Variants in PID1 observed in about 807,000 individuals in gnomAD.
PID1 encodes phosphotyrosine interaction domain containing 1.
PID1 carries 10 observed loss-of-function variants against 19.1 expected under a neutral mutation model. That is an observed-to-expected ratio of 0.52 (90% confidence interval 0.32 to 0.89). The LOEUF is 0.89. Ranked by LOEUF, PID1 falls within the 40% of genes least tolerant of loss-of-function variation. The pLI is 0.03. For synonymous variants in PID1, 130 were observed against 116.0 expected (o/e 1.12, Z -0.78); for missense variants, 248 against 285.3 (o/e 0.87, Z 0.94).
chr2:229,070,749 A>G (rs1000537014), intron 2 of PID1, among the ~76,000 whole-genome samples: 1 of 152,186 alleles, frequency 6.6e-6, no homozygotes, highest in African/African-American at 2.4e-5. Flanking sequence ...CCTAGGCTGG[A>G]GTTTTAAAAT....
chr2:229,181,759 G>A (rs1171002315), intron 1 of PID1, among the ~76,000 whole-genome samples: 1 of 124,174 alleles, frequency 8.1e-6, no homozygotes, highest in Non-Finnish European at 1.9e-5. Flanking sequence ...ATCATTATCA[G>A]AGATGTCTCT....
intron 1 of PID1, among the ~76,000 whole-genome samples, chr2:229,199,518 C>T (rs1392522320): frequency 6.6e-6 from 1 of 151,804 alleles, no homozygotes; most frequent in East Asian, 1.9e-4. Context: ...GTGGTGGCTA[C>T]AGCAAAAGAA....
chr2:229,097,258 G>A (rs554994169), intron 2 of PID1, among the ~76,000 whole-genome samples: 38 of 152,056 alleles, frequency 2.5e-4, no homozygotes, highest in Admixed American at 4.6e-4. Context: ...CAACCCCCTC[G>A]CCCCGTCTTA....
At chr2:229,098,498 T>C (rs1410012156) in intron 2 of PID1, among the ~76,000 whole-genome samples, 1 of 152,190 alleles carries the variant, frequency 6.6e-6, no homozygotes, top group Non-Finnish European at 1.5e-5. Context: ...ACTTGTAAAG[T>C]GCCCATCGTG....
At chr2:229,038,800 G>C (rs140285423) in intron 2 of PID1, among the ~76,000 whole-genome samples, 1,808 of 152,280 alleles carry the variant, frequency 0.012, 15 homozygotes, top group Non-Finnish European at 0.018. Context: ...GGTAACCCTA[G>C]AGAAAGAAAG....
intron 1 of PID1, among the ~76,000 whole-genome samples, chr2:229,229,894 T>C (rs1280724235): frequency 6.6e-6 from 1 of 152,204 alleles, no homozygotes; most frequent in Non-Finnish European, 1.5e-5. Flanking sequence ...AAAGAGGACA[T>C]TTGAACTTGG....
At chr2:229,047,123 C>G (rs998979571) in intron 2 of PID1, among the ~76,000 whole-genome samples, 1 of 152,206 alleles carries the variant, frequency 6.6e-6, no homozygotes, top group Admixed American at 6.5e-5. Flanking sequence ...TCCTGTCTGC[C>G]GCTGCTCATG....
At chr2:229,203,319 C>A (rs946473438) in intron 1 of PID1, among the ~76,000 whole-genome samples, 1 of 151,972 alleles carries the variant, frequency 6.6e-6, no homozygotes, top group Admixed American at 6.6e-5. Flanking sequence ...AATCCTTAAG[C>A]CAAAATATAT....
intron 2 of PID1, among the ~76,000 whole-genome samples, chr2:229,109,863 A>G (rs967275395): frequency 6.6e-6 from 1 of 152,210 alleles, no homozygotes; most frequent in African/African-American, 2.4e-5. Context: ...CAATCACTGC[A>G]GCTATCCCAT....
intron 2 of PID1, among the ~76,000 whole-genome samples, chr2:229,113,451 AAC>A (rs979872134): frequency 1.3e-4 from 4 of 30,954 alleles, no homozygotes; most frequent in Admixed American, 1.0e-3. Flanking sequence ...TACACACACA[AAC>A]ACACACACAC....
rs1281290950 is a variant in PID1, at chr2:229,054,724, G to C, written c.178-28616C>G. Among the ~76,000 whole-genome samples, 37 of 122,962 alleles carry C rather than the reference G, an allele frequency of 3.0e-4. 2 individuals carry two copies. The highest frequency in any genetic ancestry group is 7.6e-4 in the African/African-American group (23 of 30,268). The allele number at this position is 122,962 out of a possible 152,430, so 80.7% of individuals were successfully genotyped here. ...ATGCAGTGTGTGTGTGTGTGTGGGG[G>C]GGGGGGGGGGTCTGGTTTTACTCAA... On this transcript the variant is annotated intron_variant, in intron 2 of 2. Transcript: ENST00000392055.
At chr2:229,092,054 A>ACTGTACGGTGG (rs1694887378) in intron 2 of PID1, among the ~76,000 whole-genome samples, 1 of 112,024 alleles carries the variant, frequency 8.9e-6, no homozygotes, top group South Asian at 2.7e-4. Context: ...GTTAATGCCA[A>ACTGTACGGTGG]TCGTCCTGGC....
intron 2 of PID1, among the ~76,000 whole-genome samples, chr2:229,113,594 A>ATG (rs1268629054): frequency 1.2e-3 from 65 of 54,114 alleles, no homozygotes; most frequent in East Asian, 0.01. Context: ...GTGTATGCAT[A>ATG]TATGTGTGTG....
At chr2:229,047,794 C>T (rs535551492) in intron 2 of PID1, among the ~76,000 whole-genome samples, 3 of 152,302 alleles carry the variant, frequency 2.0e-5, no homozygotes, top group African/African-American at 7.2e-5. Flanking sequence ...TCTCACAACA[C>T]CTCTTAGAAA....
intron 1 of PID1, among the ~76,000 whole-genome samples, chr2:229,172,612 G>A (rs149692674): frequency 4.0e-4 from 61 of 152,188 alleles, no homozygotes; most frequent in African/African-American, 1.3e-3. Context: ...ATTGATTAGG[G>A]CCCACCCTAA....
Position 229,271,051 on chromosome 2 carries a change from C to A in PID1, c.-8G>T, listed in dbSNP as rs1025930606. On this transcript the variant is annotated 5_prime_UTR_variant, in exon 1 of 3. Coordinates refer to ENST00000392055, the MANE Select transcript of PID1 (RefSeq NM_001100818.2). ...CGTGGCCGGCTGCCACATCTTCCAG[C>A]CCTGGGTTTTGGCAGAGGAGACGCT... is the stretch of plus-strand genomic sequence containing the variant. 1.3e-6 allele frequency: 2 copies of A among 1,545,308 alleles called. No individual in the cohort carries two copies. Among genetic ancestry groups the A allele is most frequent in the African/African-American group, 1.4e-5 (1 of 72,802 alleles).
At chr2:229,263,624 G>A in intron 1 of PID1, among the ~76,000 whole-genome samples, 1 of 152,180 alleles carries the variant, frequency 6.6e-6, no homozygotes, top group East Asian at 1.9e-4. Context: ...TGAGATGGAA[G>A]ATGTGTAGTT....
At chr2:229,113,599 T>TGTGTGC (rs749336162) in intron 2 of PID1, among the ~76,000 whole-genome samples, 14,360 of 143,956 alleles carry the variant, frequency 0.1, 824 homozygotes, top group East Asian at 0.24. Flanking sequence ...TGCATATATG[T>TGTGTGC]GTGTGTGTGT....
intron 2 of PID1, among the ~76,000 whole-genome samples, chr2:229,151,540 T>C (rs1212100593): frequency 6.6e-6 from 1 of 152,150 alleles, no homozygotes; most frequent in Non-Finnish European, 1.5e-5. Context: ...TCTGTGTTAT[T>C]GTCAGTTCTG....
Sources: allele counts gnomAD v4.1 joint callset (sites outside exome capture counted in the v4.1 genomes callset), GRCh38; gene constraint gnomAD v4.1.1; transcripts MANE v1.5; gene names NCBI Gene and HGNC (gene_info 2026-07-23, HGNC 2026-07-21).